Variants in CCDC57 observed in about 807,000 individuals in gnomAD.
CCDC57 encodes coiled-coil domain-containing protein 57.
Under a neutral mutation model 118.9 loss-of-function variants are expected in CCDC57, and 118 were observed. The ratio of observed to expected loss-of-function variants is 0.99; its 90% confidence interval spans 0.86 to 1.16. The LOEUF (loss-of-function observed/expected upper bound fraction) is 1.16. Among genes scored for constraint, CCDC57 ranks in the 50% most tolerant of loss-of-function variants. The pLI is 0.00. For synonymous variants in CCDC57, 527 were observed against 532.9 expected (o/e 0.99, Z 0.15); for missense variants, 1,300 against 1,320.7 (o/e 0.98, Z 0.24).
intron 19 of CCDC57, among the ~76,000 whole-genome samples, chr17:82,108,462 T>G (rs2035018452): frequency 6.6e-6 from 1 of 152,200 alleles, no homozygotes; most frequent in African/African-American, 2.4e-5. Context: ...AACAGTGAGT[T>G]TCAGGGCAGG....
intron 13 of CCDC57, among the ~76,000 whole-genome samples, chr17:82,169,924 A>G (rs1254224462): frequency 6.6e-6 from 1 of 152,218 alleles, no homozygotes; most frequent in Non-Finnish European, 1.5e-5. Flanking sequence ...GACTGGGAGA[A>G]GATATTTGCA....
rs769559832 is a variant in CCDC57, at chr17:82,127,896, T to A, written c.2695A>T (p.Ile899Phe). ...GGTGATTTACAGGTCACCGTGTGGA[T>A]GCTGTGTTGTGTCTAGAAAAGACAT... The change falls in exon 19 of 20, where the codon ATC becomes TTC. Residue 899 changes from isoleucine to phenylalanine, a missense_variant. Transcript: ENST00000665763. The A allele has an allele frequency of 3.1e-6, 5 of 1,612,228 alleles. No homozygotes were observed. The Admixed American group carries it at 8.4e-5, about 27-fold the overall frequency.
At position 82,172,061 on chromosome 17, in the gene CCDC57, G is replaced by A. The variant is rs1187282771; in HGVS notation, c.1730-208C>T. 1.3e-5 allele frequency among the ~76,000 whole-genome samples: 2 copies of A among 152,180 alleles called. No homozygotes were observed. The highest frequency in any genetic ancestry group is 2.9e-5 in the Non-Finnish European group (2 of 68,026). ...CTTCCCTCCCCTCACTGGCCAGAGT[G>A]TGCCAGCCAGAGACCAGCACAGTCT... On this transcript the variant is annotated intron_variant, in intron 12 of 19. Coordinates refer to ENST00000665763, the Ensembl canonical transcript of CCDC57. The surrounding 1 kb of genome is among the most constrained non-coding windows in gnomAD (Gnocchi z 5.2).
At chr17:82,165,324 G>A (rs4789674) in intron 13 of CCDC57, among the ~76,000 whole-genome samples, 70,808 of 151,812 alleles carry the variant, frequency 0.47, 17,301 homozygotes, top group East Asian at 0.88. Context: ...TAAAGGCCCA[G>A]CCAGAACACA....
chr17:82,201,826 CGT>C lies in CCDC57; in HGVS notation c.117_118del (p.Arg40GlufsTer35), dbSNP rs2049032333. 1 of 1,613,520 alleles carries C rather than the reference CGT, an allele frequency of 6.2e-7. No individual in the cohort carries two copies. Among genetic ancestry groups the C allele is most frequent in the East Asian group, 2.2e-5 (1 of 44,890 alleles). On this transcript the variant is annotated frameshift_variant, in exon 3 of 20. Coordinates refer to ENST00000665763, the Ensembl canonical transcript of CCDC57. LOFTEE classifies it high-confidence loss of function. ...CCCCTGCGCCTCCTCCAGCTGGCTC[CGT>C]GTGTCCTGCAGAGCCGCCTCCTGCA... is the stretch of plus-strand genomic sequence containing the variant.
intron 13 of CCDC57, among the ~76,000 whole-genome samples, chr17:82,170,305 C>G (rs568148037): frequency 3.9e-4 from 60 of 152,124 alleles, no homozygotes; most frequent in African/African-American, 1.4e-3. Context: ...GTCAGGAGTT[C>G]GGGACCAGCC....
At chr17:82,186,940 T>C (rs1172921145) in intron 8 of CCDC57, among the ~76,000 whole-genome samples, 2 of 149,564 alleles carry the variant, frequency 1.3e-5, no homozygotes. Context: ...AGACCCTGTC[T>C]CAAAAAAAGA....
intron 11 of CCDC57, among the ~76,000 whole-genome samples, chr17:82,173,964 A>T (rs1365311586): frequency 1.3e-5 from 2 of 152,186 alleles, no homozygotes; most frequent in Non-Finnish European, 2.9e-5. Context: ...GGCTGTGAAC[A>T]ACTAGAACAC....
At chr17:82,140,438 C>T (rs2039865983) in intron 16 of CCDC57, among the ~76,000 whole-genome samples, 1 of 151,992 alleles carries the variant, frequency 6.6e-6, no homozygotes, top group African/African-American at 2.4e-5. Flanking sequence ...TCAGGCTGGT[C>T]TCAAACTCCT....
At chr17:82,104,462 G>T (rs780021566) in intron 19 of CCDC57, among the ~76,000 whole-genome samples, 86 of 152,206 alleles carry the variant, frequency 5.7e-4, no homozygotes, top group Non-Finnish European at 1.5e-4. Flanking sequence ...CCAGGTCCTG[G>T]TGTGTGCTGA....
intron 1 of CCDC57, among the ~76,000 whole-genome samples, chr17:82,211,529 C>T (rs2050179604): frequency 1.3e-5 from 2 of 150,568 alleles, no homozygotes; most frequent in South Asian, 4.2e-4. Context: ...CCTTTTGTAT[C>T]CTTTTTCTAA....
At chr17:82,176,140 T>A (rs978012254) in intron 11 of CCDC57, among the ~76,000 whole-genome samples, 27 of 151,968 alleles carry the variant, frequency 1.8e-4, no homozygotes, top group African/African-American at 5.6e-4. Context: ...TGCCAATGGG[T>A]GGAAGGCTGC....
In CCDC57 at chr17:82,115,267, G is replaced by GAAGAGGGGGCAAGAGGGGGC. The variant is rs368657859; in HGVS notation, c.2899+12405_2899+12424dup. Among the ~76,000 whole-genome samples the GAAGAGGGGGCAAGAGGGGGC allele has an allele frequency of 6.5e-3, 837 of 127,886 alleles. 5 individuals are homozygous for GAAGAGGGGGCAAGAGGGGGC. Among genetic ancestry groups the GAAGAGGGGGCAAGAGGGGGC allele is most frequent in the Middle Eastern group, 0.012 (3 of 258 alleles). 83.9% of individuals were successfully genotyped at this position (127,886 alleles called of 152,430 possible). On this transcript the variant is annotated intron_variant, in intron 19 of 19. Transcript: ENST00000665763. Reference sequence around the variant, plus strand: ...CTCCACCAGCATTCGGGCTGTCCGGGAAGAGGGGGCAAGAGGGGGCAAGAG... The same window carrying GAAGAGGGGGCAAGAGGGGGC: ...CTCCACCAGCATTCGGGCTGTCCGGGAAGAGGGGGCAAGAGGGGGCAAGAGGGGGCAAGAGGGGGCAAGAG...
intron 10 of CCDC57, 106 bp from the exon 10 acceptor site, chr17:82,178,711 G>A: frequency 6.8e-7 from 1 of 1,470,502 alleles, no homozygotes; most frequent in Middle Eastern, 1.9e-4. Flanking sequence ...AGAGCACCAG[G>A]CTCCCCACTG....
At chr17:82,101,497 G>A, downstream of CCDC57, 2 of 569,120 alleles carry the variant, frequency 3.5e-6, no homozygotes, top group Non-Finnish European at 6.1e-6. Context: ...GTTTTAATGG[G>A]CCCTGTGCTC....
At chr17:82,150,146 G>A (rs1325472958) in intron 16 of CCDC57, among the ~76,000 whole-genome samples, 1 of 147,788 alleles carries the variant, frequency 6.8e-6, no homozygotes, top group African/African-American at 2.5e-5. Context: ...CGCACACCCA[G>A]AACCTGACCC....
chr17:82,210,371 A>G (rs2050081639), intron 1 of CCDC57, among the ~76,000 whole-genome samples: 1 of 152,110 alleles, frequency 6.6e-6, no homozygotes, highest in African/African-American at 2.4e-5. Context: ...TGACAGAAGT[A>G]TGGTTAGAAA....
chr17:82,113,533 G>A (rs937484718), intron 19 of CCDC57: 6 of 717,518 alleles, frequency 8.4e-6, no homozygotes, highest in Non-Finnish European at 1.6e-5. Flanking sequence ...CGCGCTGCAT[G>A]TTTTTGCACA....
chr17:82,107,569 C>A (rs1433503932), intron 19 of CCDC57: 1 of 470,992 alleles, frequency 2.1e-6, no homozygotes, highest in Non-Finnish European at 4.4e-6. Flanking sequence ...GCTCGGCACA[C>A]TGTGAGGATG....
Sources: gnomAD v4.1 joint callset for allele counts (sites outside exome capture counted in the v4.1 genomes callset) on GRCh38, gnomAD v4.1.1 for gene constraint, Gnocchi (gnomAD v3.1) non-coding constraint, MANE v1.5 for transcripts, NCBI Gene and HGNC (gene_info 2026-07-23, HGNC 2026-07-21) for gene names.